CPS1: variants seen among roughly 807,000 people sequenced by gnomAD.
CPS1 encodes the protein carbamoyl-phosphate synthase [ammonia], mitochondrial.
A neutral mutation model predicts 174.6 loss-of-function variants in CPS1; 109 were observed. That is an observed-to-expected ratio of 0.62 (90% CI 0.53 to 0.73). The LOEUF (loss-of-function observed/expected upper bound fraction) is 0.73. CPS1 is among the 30% of genes least tolerant of loss of function. CPS1 has a pLI of 0.00. For missense variants in CPS1, 1,689 were observed against 1,821.9 expected (o/e 0.93, Z 1.33); for synonymous variants, 637 against 632.0 (o/e 1.01, Z -0.12).
chr2:210,660,372 C>G (rs1358774116), intron 31 of CPS1, 113 bp from the exon 32 acceptor site: 17 of 1,050,326 alleles, frequency 1.6e-5, no homozygotes, highest in African/African-American at 3.1e-5. Flanking sequence ...ATTAGCAAAA[C>G]AAGAGCTGGT....
chr2:210,677,770 C>CTT, intron 37 of CPS1, 117 bp from the exon 38 acceptor site: 1 of 872,280 alleles, frequency 1.1e-6, no homozygotes, highest in South Asian at 1.3e-5. Context: ...ACTTTTATGC[C>CTT]TTTTATCCCA....
At chr2:210,650,833 G>A (rs1449056646) in intron 28 of CPS1, among the ~76,000 whole-genome samples, 1 of 151,656 alleles carries the variant, frequency 6.6e-6, no homozygotes, top group Non-Finnish European at 1.5e-5. Flanking sequence ...CCATTAACAA[G>A]TGAAAGCTTT....
At chr2:210,632,417 CT>C (rs991768039) in intron 21 of CPS1, among the ~76,000 whole-genome samples, 2 of 151,606 alleles carry the variant, frequency 1.3e-5, no homozygotes, top group Non-Finnish European at 2.9e-5. Context: ...TTTGAACTGT[CT>C]TTTTTTTTCT....
intron 5 of CPS1, 147 bp downstream of exon 5, chr2:210,579,917 T>A (rs768997294): frequency 1.2e-5 from 8 of 687,680 alleles, no homozygotes; most frequent in Non-Finnish European, 2.1e-5. Context: ...TCTCTGTTAT[T>A]TTGTTTTACT....
At chr2:210,514,614 A>G (rs1326548066) in intron 1 of CPS1, among the ~76,000 whole-genome samples, 1 of 151,826 alleles carries the variant, frequency 6.6e-6, no homozygotes, top group Non-Finnish European at 1.5e-5. Flanking sequence ...AGAATCATAT[A>G]ATCAGTGAAG....
chr2:210,592,083 A>C, intron 10 of CPS1, 114 bp downstream of exon 10: 1 of 1,174,750 alleles, frequency 8.5e-7, no homozygotes, highest in South Asian at 1.4e-5. Flanking sequence ...ATTTTGATAC[A>C]TGCATATCAT....
intron 21 of CPS1, among the ~76,000 whole-genome samples, chr2:210,621,826 A>C (rs1699539271): frequency 6.6e-6 from 1 of 152,096 alleles, no homozygotes; most frequent in Admixed American, 6.6e-5. Context: ...TCAGTTTAAT[A>C]ATTCTGAATG....
At chr2:210,560,611 T>C (rs1019296646) in intron 1 of CPS1, among the ~76,000 whole-genome samples, 2 of 152,186 alleles carry the variant, frequency 1.3e-5, no homozygotes, top group Non-Finnish European at 2.9e-5. Flanking sequence ...TAGTCATTAT[T>C]TCTTTTGAAA....
intron 1 of CPS1, among the ~76,000 whole-genome samples, chr2:210,488,810 T>C (rs1694791123): frequency 6.6e-6 from 1 of 152,188 alleles, no homozygotes; most frequent in African/African-American, 2.4e-5. Flanking sequence ...CCTTCTACTT[T>C]TTGATTTATA....
intron 1 of CPS1, among the ~76,000 whole-genome samples, chr2:210,486,582 C>G (rs1204902958): frequency 6.6e-6 from 1 of 152,232 alleles, no homozygotes; most frequent in African/African-American, 2.4e-5. Context: ...GCGATCGCGG[C>G]TTACCGCAAC....
At chr2:210,547,122 C>A (rs1227087912) in intron 1 of CPS1, among the ~76,000 whole-genome samples, 2 of 151,664 alleles carry the variant, frequency 1.3e-5, no homozygotes, top group African/African-American at 4.8e-5. Context: ...AAGAGCTGAG[C>A]CAAAGAATTT....
At chr2:210,599,319 A>G in intron 13 of CPS1, 53 bp from the exon 14 acceptor site, 3 of 1,542,340 alleles carry the variant, frequency 1.9e-6, no homozygotes, top group Non-Finnish European at 2.7e-6. Flanking sequence ...AAGTGTGGTC[A>G]TTCTCTTCTT....
rs767550452 is a variant in CPS1 at position 210,637,727 on chromosome 2, A to G, written c.2713A>G (p.Lys905Glu). The G allele has an allele frequency of 3.7e-6, 6 of 1,613,986 alleles. No individual in the cohort carries two copies. In the Admixed American group the frequency reaches 5.0e-5, roughly 13 times the overall value. The change falls in exon 22 of 38, where the codon AAA becomes GAA. Residue 905 changes from lysine to glutamate, a missense_variant. Lys to Glu is a moderately conservative substitution (Grantham distance 56, BLOSUM62 1). Transcript: ENST00000233072. The part of the protein sequence containing the change: ...NSESMTEETL[K>E]RAKEIGFSDK... Reference sequence around the variant, plus strand: ...TGAGTCCATGACAGAAGAAACCCTGAAAAGGGCAAAGGAGATTGGGTTCTC... The same window carrying G: ...TGAGTCCATGACAGAAGAAACCCTGGAAAGGGCAAAGGAGATTGGGTTCTC...
At chr2:210,498,177 G>A (rs1165445644) in intron 1 of CPS1, among the ~76,000 whole-genome samples, 2 of 151,754 alleles carry the variant, frequency 1.3e-5, no homozygotes, top group African/African-American at 2.4e-5. Flanking sequence ...GTTATGTGGA[G>A]CATTTTTTCA....
intron 21 of CPS1, among the ~76,000 whole-genome samples, chr2:210,624,048 A>G (rs919410041): frequency 6.6e-6 from 1 of 152,180 alleles, no homozygotes; most frequent in African/African-American, 2.4e-5. Context: ...AATATAACAT[A>G]TAATCACATT....
chr2:210,576,025 A>G (rs937629802), intron 2 of CPS1, among the ~76,000 whole-genome samples: 7 of 152,116 alleles, frequency 4.6e-5, no homozygotes, highest in Admixed American at 1.3e-4. Context: ...CAAACTTTAA[A>G]TAGAGCAGGG....
intron 1 of CPS1, among the ~76,000 whole-genome samples, chr2:210,563,674 G>A (rs1230384921): frequency 1.3e-5 from 2 of 152,214 alleles, no homozygotes; most frequent in Admixed American, 6.5e-5. Flanking sequence ...CATGAGCAAT[G>A]AGTAGATGAT....
chr2:210,648,328 A>T, intron 26 of CPS1, 145 bp from the exon 27 acceptor site: 1 of 725,270 alleles, frequency 1.4e-6, no homozygotes, highest in Non-Finnish European at 2.3e-6. Context: ...TAGGAATTTT[A>T]TGTATTTCAG....
chr2:210,537,776 C>A (rs1036715702), intron 1 of CPS1, among the ~76,000 whole-genome samples: 14 of 152,110 alleles, frequency 9.2e-5, no homozygotes, highest in Non-Finnish European at 2.1e-4. Flanking sequence ...TCTGGCCTTG[C>A]GCAGAGGCTC....
Sources: gnomAD v4.1 joint callset for allele counts (sites outside exome capture counted in the v4.1 genomes callset) on GRCh38, gnomAD v4.1.1 for gene constraint, MANE v1.5 for transcripts, NCBI Gene and HGNC (gene_info 2026-07-23, HGNC 2026-07-21) for gene names.